The following CREB3L2 variants were observed in gnomAD, a reference collection of about 807,000 sequenced individuals.
CREB3L2 encodes cAMP responsive element binding protein 3 like 2, also known as cyclic AMP-responsive element-binding protein 3-like protein 2.
Under a neutral mutation model 57.2 loss-of-function variants are expected in CREB3L2, and 23 were observed. The observed-to-expected ratio is 0.40, with a 90% CI of 0.29 to 0.57. CREB3L2 has a LOEUF of 0.57. CREB3L2 is among the 20% of genes least tolerant of loss of function. CREB3L2 has a pLI of 0.42. For synonymous variants in CREB3L2, 268 were observed against 265.1 expected (o/e 1.01, Z -0.11); for missense variants, 628 against 634.7 (o/e 0.99, Z 0.11).
intron 1 of CREB3L2, among the ~76,000 whole-genome samples, chr7:137,974,592 A>G (rs1390567578): frequency 6.6e-6 from 1 of 152,212 alleles, no homozygotes. Context: ...CAGATATGAG[A>G]AAAGTTGTTA....
rs1382429044 is a variant in CREB3L2, at chr7:137,898,256, G to A, written c.1043+3098C>T. 5.9e-5 allele frequency among the ~76,000 whole-genome samples: 9 copies of A among 152,278 alleles called. No homozygotes were observed. In the East Asian group the frequency reaches 1.3e-3, roughly 23 times the overall value. ...ACTATCATTATAAAAAAGACAAGGC[G>A]CGAAAAGTGTTGGCAATGGTGTGGA... On this transcript the variant is annotated intron_variant, in intron 8 of 11. Transcript: ENST00000330387.
chr7:137,883,034 GAGGTAC>G (rs1472570079), intron 10 of CREB3L2, among the ~76,000 whole-genome samples: 2 of 152,194 alleles, frequency 1.3e-5, no homozygotes, highest in Non-Finnish European at 2.9e-5. Flanking sequence ...GCAGGGGGAT[GAGGTAC>G]AGGGCATCTC....
chr7:137,967,872 A>T (rs963902848), intron 1 of CREB3L2, among the ~76,000 whole-genome samples: 1 of 152,210 alleles, frequency 6.6e-6, no homozygotes, highest in African/African-American at 2.4e-5. Flanking sequence ...TTCCTGGGAC[A>T]CCATGTAAAT....
rs979100875 is a variant in CREB3L2, at chr7:137,928,279, T to C, written c.190A>G (p.Met64Val). The C allele has an allele frequency of 2.9e-5, 46 of 1,613,942 alleles. No homozygotes were observed. The highest frequency in any genetic ancestry group is 1.1e-4 in the African/African-American group (8 of 74,886). Residue 64 changes from methionine (M) to valine (V), a missense_variant, in exon 2 of 12, where the codon ATG (methionine) becomes GTG (valine). Met to Val is a conservative substitution (Grantham distance 21). Coordinates refer to ENST00000330387, the MANE Select transcript of CREB3L2 (RefSeq NM_194071.4). ...DPFLSEKSVS[M>V]EVEPSPTSPA... is the part of the protein sequence containing the mutation. The stretch of plus-strand genomic sequence containing the variant: ...GACGTCGGGGAAGGTTCCACCTCCA[T>C]TGACACACTCTTCTCTGAGAGGAAA...
At chr7:137,882,263 C>T (rs1380010864) in intron 11 of CREB3L2, 149 bp downstream of exon 11, 2 of 574,750 alleles carry the variant, frequency 3.5e-6, no homozygotes, top group African/African-American at 3.7e-5. Flanking sequence ...AACAGACTCT[C>T]TGCAGTCCCA....
intron 11 of CREB3L2, 31 bp downstream of exon 11, chr7:137,882,381 G>A (rs371784147): frequency 3.2e-5 from 49 of 1,546,578 alleles, no homozygotes; most frequent in Non-Finnish European, 3.8e-5. Flanking sequence ...CAGTGCACTA[G>A]AGGAGTTGGC....
At chr7:137,959,640 G>A (rs1203670517) in intron 1 of CREB3L2, among the ~76,000 whole-genome samples, 2 of 152,170 alleles carry the variant, frequency 1.3e-5, no homozygotes, top group Non-Finnish European at 2.9e-5. Context: ...GAGAAGACAT[G>A]ACCATATGTT....
At chr7:137,989,830 C>A (rs1011265266) in intron 1 of CREB3L2, among the ~76,000 whole-genome samples, 4 of 152,302 alleles carry the variant, frequency 2.6e-5, no homozygotes, top group South Asian at 4.1e-4. Flanking sequence ...ACTCAGCCTT[C>A]CAAGCCAGAA....
At chr7:137,897,494 C>A (rs1420872800) in intron 8 of CREB3L2, among the ~76,000 whole-genome samples, 2 of 152,082 alleles carry the variant, frequency 1.3e-5, no homozygotes, top group Non-Finnish European at 2.9e-5. Context: ...CTCAGCCTCT[C>A]GAGTAGCTGG....
intron 1 of CREB3L2, among the ~76,000 whole-genome samples, chr7:137,930,482 G>C (rs1258171352): frequency 6.6e-6 from 1 of 152,234 alleles, no homozygotes; most frequent in Non-Finnish European, 1.5e-5. Context: ...AACACCAGAA[G>C]GGAAGATGGG....
At position 137,877,658 on chromosome 7, in the gene CREB3L2, T is replaced by C. The variant is rs1171044571; in HGVS notation, c.*2818A>G. 1.8e-5 allele frequency: 4 copies of C among 225,880 alleles called. No homozygotes were observed. The highest frequency in any genetic ancestry group is 6.7e-5 in the African/African-American group (3 of 44,864). The allele number at this position is 225,880 out of a possible 1,614,324, so 14.0% of individuals were successfully genotyped here. ...CATGATGAAAAATATAATTAAGAGA[T>C]TGACTCTTTATGGCTTATGGCCGCT... On this transcript the variant is annotated 3_prime_UTR_variant, in exon 12 of 12. Coordinates refer to ENST00000330387, the MANE Select transcript of CREB3L2 (RefSeq NM_194071.4).
At position 137,876,827 on chromosome 7, in the gene CREB3L2, TGAA is replaced by T; in HGVS notation, c.*3646_*3648del. 4.3e-6 allele frequency: 1 copy of T among 232,370 alleles called. No homozygotes were observed. The highest frequency in any genetic ancestry group is 1.3e-3 in the Middle Eastern group (1 of 782). 14.4% of individuals were successfully genotyped at this position (232,370 alleles called of 1,614,324 possible). A position where few individuals can be genotyped will look rare whatever the true frequency, so the allele number is the denominator to read the frequency against. On this transcript the variant is annotated 3_prime_UTR_variant, in exon 12 of 12. Coordinates refer to ENST00000330387, the MANE Select transcript of CREB3L2 (RefSeq NM_194071.4). ...GACTTGGGGCAGAGGAAGGGGAGGATGAAGGTCTTCTAGTGCATCTCTGCCCTC... is the reference window on the plus strand; with the variant it reads ...GACTTGGGGCAGAGGAAGGGGAGGATGGTCTTCTAGTGCATCTCTGCCCTC...
chr7:137,904,316 A>G (rs1799834389), intron 6 of CREB3L2, among the ~76,000 whole-genome samples: 1 of 152,144 alleles, frequency 6.6e-6, no homozygotes, highest in African/African-American at 2.4e-5. Context: ...GGATCACTTG[A>G]GGTCAGGAGT....
intron 2 of CREB3L2, among the ~76,000 whole-genome samples, chr7:137,923,485 T>G (rs941824107): frequency 6.6e-6 from 1 of 152,226 alleles, no homozygotes; most frequent in Non-Finnish European, 1.5e-5. Context: ...AGTGACTCAG[T>G]AGATACACAT....
intron 2 of CREB3L2, among the ~76,000 whole-genome samples, chr7:137,921,152 G>A (rs1800266402): frequency 6.6e-6 from 1 of 152,194 alleles, no homozygotes; most frequent in Non-Finnish European, 1.5e-5. Flanking sequence ...TTGAAGCTGA[G>A]ATACCGAGTG....
chr7:137,987,259 A>G (rs1001151879), intron 1 of CREB3L2, among the ~76,000 whole-genome samples: 2 of 152,228 alleles, frequency 1.3e-5, no homozygotes, highest in Non-Finnish European at 2.9e-5. Flanking sequence ...CTCTTTCCAA[A>G]GGATAACATC....
chr7:137,975,289 A>G (rs1801586524), intron 1 of CREB3L2, among the ~76,000 whole-genome samples: 1 of 152,182 alleles, frequency 6.6e-6, no homozygotes, highest in South Asian at 2.1e-4. Flanking sequence ...ATTTGCTGTG[A>G]GCCCAAGAGG....
chr7:137,922,410 A>G (rs1170368197), intron 2 of CREB3L2, among the ~76,000 whole-genome samples: 371 of 25,860 alleles, frequency 0.014, 13 homozygotes, highest in African/African-American at 0.061. Flanking sequence ...ATATATATAT[A>G]TATATGTATA....
At chr7:137,947,300 C>A (rs936478318) in intron 1 of CREB3L2, among the ~76,000 whole-genome samples, 2 of 152,036 alleles carry the variant, frequency 1.3e-5, no homozygotes, top group African/African-American at 4.8e-5. Flanking sequence ...CCGCTCAACA[C>A]CCGTAGCAAG....
Sources: gnomAD v4.1 joint callset for allele counts (sites outside exome capture counted in the v4.1 genomes callset) on GRCh38, gnomAD v4.1.1 for gene constraint, MANE v1.5 for transcripts, NCBI Gene and HGNC (gene_info 2026-07-23, HGNC 2026-07-21) for gene names.